The following INTS1 variants were observed in gnomAD, a reference collection of about 807,000 sequenced individuals.
INTS1 encodes the protein integrator complex subunit 1.
INTS1 carries 137 observed loss-of-function variants against 241.6 expected under a neutral mutation model. The observed-to-expected ratio is 0.57, with a 90% CI of 0.49 to 0.65. INTS1 has a LOEUF of 0.65. Ranked by LOEUF, INTS1 falls within the 30% of genes least tolerant of loss-of-function variation. The pLI, the probability that INTS1 is intolerant of heterozygous loss-of-function variation, is 0.00. For missense variants in INTS1, 3,073 were observed against 3,032.2 expected (o/e 1.01, Z -0.32); for synonymous variants, 1,692 against 1,337.8 (o/e 1.26, Z -5.78).
Position 1,470,776 on chromosome 7 carries a change from AGCCCTCGGGGGACGCACCTCCG to A in INTS1, c.6457+48_6457+69del. The A allele has an allele frequency of 2.0e-6, 3 of 1,466,900 alleles. No individual in the cohort carries two copies. In the African/African-American group the frequency reaches 4.3e-5, roughly 21 times the overall value. 90.9% of individuals were successfully genotyped at this position (1,466,900 alleles called of 1,614,324 possible). On this transcript the variant is annotated intron_variant, in intron 47 of 47. Transcript: ENST00000404767. ...CCAGACCTCGGGACTCCCAAGAGCC[AGCCCTCGGGGGACGCACCTCCG>A]GCCTCCCCGAGGGCTGCCAGGGCCC...
chr7:1,493,442 C>T lies in INTS1; in HGVS notation c.2068+312G>A, dbSNP rs760039042. On this transcript the variant is annotated intron_variant, in intron 15 of 47. Coordinates refer to ENST00000404767, the MANE Select transcript of INTS1 (RefSeq NM_001080453.3). The surrounding 1 kb of genome is among the most constrained non-coding windows in gnomAD (Gnocchi z 5.3). ...GGCGCGAGCTGGATTTACAATCATT[C>T]TACCTGTCGCCTAAAGGAGGTGACA... is the stretch of plus-strand genomic sequence containing the variant. Among the ~76,000 whole-genome samples, 107 of 152,296 alleles carry T rather than the reference C, an allele frequency of 7.0e-4. No homozygotes were observed. The highest frequency in any genetic ancestry group is 6.8e-3 in the Middle Eastern group (2 of 294).
At position 1,484,054 on chromosome 7, in the gene INTS1, G is replaced by A. The variant is rs1322568854; in HGVS notation, c.3378C>T (p.Arg1126=). ...TGCTCTGCCGCATGCGCCTCACGTA[G>A]CGTGAGAAGATGGACAACAGAGCGC... ...VLSALLSIFS[R]YVRRMRQSKE... is the part of the protein sequence containing the mutation. Residue 1126 remains arginine, a synonymous_variant, in exon 25 of 48, where the codon CGC becomes CGT. Coordinates refer to ENST00000404767, the MANE Select transcript of INTS1 (RefSeq NM_001080453.3). The A allele has an allele frequency of 6.2e-7, 1 of 1,612,248 alleles. No homozygotes were observed. The highest frequency in any genetic ancestry group is 8.5e-7 in the Non-Finnish European group (1 of 1,179,702).
rs1781449277 is a variant in INTS1, at chr7:1,471,165, G to A, written c.6315C>T (p.Ser2105=). ...AEECCRNLAF[S]LALRSMQNSP... is the part of the protein sequence containing the mutation. ...TGTTCTGCATGGAGCGCAGGGCCAG[G>A]CTGAAGGCGAGGTTGCGGCAACACT... Residue 2105 remains serine (S), a synonymous_variant, in exon 46 of 48, where the codon AGC becomes AGT. Coordinates refer to ENST00000404767, the MANE Select transcript of INTS1 (RefSeq NM_001080453.3). 2 of 1,581,112 alleles carry A rather than the reference G, an allele frequency of 1.3e-6. No individual in the cohort carries two copies. Among genetic ancestry groups the A allele is most frequent in the African/African-American group, 1.3e-5 (1 of 74,356 alleles).
intron 22 of INTS1, 67 bp from the exon 23 acceptor site, chr7:1,485,536 G>A: frequency 6.6e-7 from 1 of 1,516,892 alleles, no homozygotes; most frequent in Non-Finnish European, 8.9e-7. Flanking sequence ...CCTGGCCCCG[G>A]GAGCACACGC....
In INTS1 at chr7:1,499,727, G is replaced by A. The variant is rs935851933; in HGVS notation, c.685-95C>T. On this transcript the variant is annotated intron_variant, in intron 5 of 47. Transcript: ENST00000404767. ...CTGCCCGGGGACTGGGTGCCCAGGC[G>A]GCCCTCTCCAGCTTCTGGGTGCAGC... The A allele has an allele frequency of 2.2e-5, 33 of 1,480,294 alleles. No individual in the cohort carries two copies. In the South Asian group the frequency reaches 3.2e-4, roughly 14 times the overall value. The allele number at this position is 1,480,294 out of a possible 1,614,324, so 91.7% of individuals were successfully genotyped here.
At chr7:1,488,921 ACACCTGGCCCACTGGCCAGTGTTAAAGCC>A (rs1323187559) in intron 18 of INTS1, among the ~76,000 whole-genome samples, 1 of 152,202 alleles carries the variant, frequency 6.6e-6, no homozygotes, top group Non-Finnish European at 1.5e-5. Context: ...ACGCAGGGTC[ACACCTGGCCCACTGGCCAGTGTTAAAGCC>A]CACCTGGCCC....
At position 1,493,483 on chromosome 7, in the gene INTS1, C is replaced by G. The variant is rs949307606; in HGVS notation, c.2068+271G>C. Among the ~76,000 whole-genome samples, 1 of 152,110 alleles carries G rather than the reference C, an allele frequency of 6.6e-6. No homozygotes were observed. Among genetic ancestry groups the G allele is most frequent in the Non-Finnish European group, 1.5e-5 (1 of 67,974 alleles). On this transcript the variant is annotated intron_variant, in intron 15 of 47. Transcript: ENST00000404767. The surrounding 1 kb of genome is among the most constrained non-coding windows in gnomAD (Gnocchi z 5.3). The stretch of plus-strand genomic sequence containing the variant: ...GGAGGTGACAGACAGGAAATCTGGC[C>G]GTGGCCAAATCACACCGAGAATGCC...
At chr7:1,478,969 G>C (rs1218515482) in intron 31 of INTS1, 84 bp from the exon 32 acceptor site, 5 of 1,453,542 alleles carry the variant, frequency 3.4e-6, no homozygotes, top group East Asian at 2.4e-5. Context: ...GGGCCCGTGA[G>C]GCTGCTGAGA....
chr7:1,482,712 A>T lies in INTS1; in HGVS notation c.3542-5T>A, dbSNP rs1299218078. On this transcript the variant is annotated splice_region_variant and splice_polypyrimidine_tract_variant and intron_variant, in intron 26 of 47. Transcript: ENST00000404767. Reference sequence around the variant, plus strand: ...CCTGGAACTCGCTGTCGTCGGCTTCAGGAAGGACAACGGGTGAGCAGCCTT... The same window carrying T: ...CCTGGAACTCGCTGTCGTCGGCTTCTGGAAGGACAACGGGTGAGCAGCCTT... 2.5e-6 allele frequency: 4 copies of T among 1,612,318 alleles called. No individual in the cohort carries two copies. In the South Asian group the frequency reaches 4.4e-5, roughly 18 times the overall value.
In INTS1 at chr7:1,475,979, C is replaced by A; in HGVS notation, c.5471G>T (p.Ser1824Ile). 6.5e-7 allele frequency: 1 copy of A among 1,544,510 alleles called. No individual in the cohort carries two copies. The highest frequency in any genetic ancestry group is 1.2e-5 in the South Asian group (1 of 84,034). The change falls in exon 39 of 48, where the codon AGC becomes ATC. Residue 1824 changes from serine to isoleucine, a missense_variant. Ser to Ile is a moderately radical substitution (Grantham distance 142, BLOSUM62 -2). Coordinates refer to ENST00000404767, the MANE Select transcript of INTS1 (RefSeq NM_001080453.3). ...GACGCTGCTGCTGGCAGCCCCTTCGCTGTGCAGTAGGACCTCAGGCACGGG... is the reference window on the plus strand; with the variant it reads ...GACGCTGCTGCTGGCAGCCCCTTCGATGTGCAGTAGGACCTCAGGCACGGG... ...RVPVPEVLLH[S>I]EGAASSSVCK... is the part of the protein sequence containing the mutation.
intron 19 of INTS1, 94 bp downstream of exon 19, chr7:1,487,666 G>A (rs371659030): frequency 2.1e-4 from 306 of 1,483,614 alleles, no homozygotes; most frequent in Non-Finnish European, 2.7e-4. Context: ...CAGTGCGGTC[G>A]GCTCCGCCTG....
At chr7:1,492,961 G>A (rs754309036) in intron 16 of INTS1, 49 bp downstream of exon 16, 29 of 1,432,498 alleles carry the variant, frequency 2.0e-5, no homozygotes, top group Admixed American at 1.7e-5. Flanking sequence ...AGTGGGGAGC[G>A]GGGCGCGGGC....
rs1191903066 is a variant in INTS1 at position 1,475,948 on chromosome 7, C to T, written c.5502G>A (p.Lys1834=). The change falls in exon 39 of 48, where the codon AAG becomes AAA. Residue 1834 remains lysine (K), a splice_region_variant and synonymous_variant. Coordinates refer to ENST00000404767, the MANE Select transcript of INTS1 (RefSeq NM_001080453.3). ...GGGAGCGGCAGAGTTGCGCCCTCAC[C>T]TTGCAGACGCTGCTGCTGGCAGCCC... is the stretch of plus-strand genomic sequence containing the variant. ...SEGAASSSVC[K]LDGLIHRFIT... is the part of the protein sequence containing the mutation. The T allele has an allele frequency of 1.2e-5, 19 of 1,538,724 alleles. No homozygotes were observed. Among genetic ancestry groups the T allele is most frequent in the Non-Finnish European group, 1.7e-5 (19 of 1,144,600 alleles).
In INTS1 at chr7:1,496,153, T is replaced by TA. The variant is rs1446656731; in HGVS notation, c.1711+2dup. ...CAGGGCCAGGCCACCCCCACATCCT[T>TA]ACTCCTCTTTTCTCCTTTGTCCCAG... On this transcript the variant is annotated splice_region_variant and intron_variant, in intron 12 of 47. Coordinates refer to ENST00000404767, the MANE Select transcript of INTS1 (RefSeq NM_001080453.3). 1 of 1,612,552 alleles carries TA rather than the reference T, an allele frequency of 6.2e-7. No individual in the cohort carries two copies.
At chr7:1,485,233 G>C in intron 23 of INTS1, 31 bp from the exon 24 acceptor site, 1 of 1,598,200 alleles carries the variant, frequency 6.3e-7, no homozygotes, top group Non-Finnish European at 8.5e-7. Context: ...AGCGGCAACA[G>C]GGCAGGGCTG....
In INTS1 at chr7:1,472,358, C is replaced by A. The variant is rs1352208084; in HGVS notation, c.6099G>T (p.Leu2033=). ...GAGGGGTGAACAGGGAGACGCTGAC[C>A]AGGGGCAAGGAGCCGGCTGAGCTCT... ...EEESSAGSLP[L]VSVSLFTPLT... is the part of the protein sequence containing the mutation. The change falls in exon 44 of 48, where the codon CTG becomes CTT. Residue 2033 remains leucine (L), a synonymous_variant. Transcript: ENST00000404767. The A allele has an allele frequency of 3.2e-6, 5 of 1,569,378 alleles. No homozygotes were observed. Among genetic ancestry groups the A allele is most frequent in the Non-Finnish European group, 4.3e-6 (5 of 1,157,484 alleles).
In INTS1 at chr7:1,473,085, G is replaced by A. The variant is rs761823146; in HGVS notation, c.6057C>T (p.Asp2019=). 3.1e-5 allele frequency: 50 copies of A among 1,605,806 alleles called. No individual in the cohort carries two copies. Among genetic ancestry groups the A allele is most frequent in the Middle Eastern group, 1.7e-4 (1 of 6,058 alleles). The part of the protein sequence containing the change: ...SRDDRTDRGL[D]EEGEEESSAG... ...AGCCCCACTCACCCTCGCCCTCTTC[G>A]TCCAGGCCTCGGTCGGTCCTGTCGT... Residue 2019 remains aspartate (D), a synonymous_variant, in exon 43 of 48, where the codon GAC becomes GAT. Transcript: ENST00000404767.
intron 16 of INTS1, among the ~76,000 whole-genome samples, chr7:1,490,694 G>C (rs1782508280): frequency 6.6e-6 from 1 of 152,198 alleles, no homozygotes; most frequent in African/African-American, 2.4e-5. Context: ...CGAAATCCCA[G>C]TCATCTGTTT....
intron 12 of INTS1, among the ~76,000 whole-genome samples, 186 bp from the exon 13 acceptor site, chr7:1,495,739 G>GGTCC (rs1562515730): frequency 3.9e-5 from 6 of 152,152 alleles, no homozygotes; most frequent in African/African-American, 7.2e-5. Context: ...GCGTGCGTGG[G>GGTCC]TGACTGGAAT....
Sources: gnomAD v4.1 joint callset for allele counts (sites outside exome capture counted in the v4.1 genomes callset) on GRCh38, gnomAD v4.1.1 for gene constraint, Gnocchi (gnomAD v3.1) non-coding constraint, MANE v1.5 for transcripts, NCBI Gene and HGNC (gene_info 2026-07-23, HGNC 2026-07-21) for gene names.